Variants in USH2A observed in about 807,000 individuals in gnomAD.
USH2A encodes the protein usherin.
In USH2A, 443 loss-of-function variants were observed where a neutral mutation model predicts 538.9. The observed-to-expected ratio is 0.82, with a 90% confidence interval of 0.76 to 0.89. The LOEUF (loss-of-function observed/expected upper bound fraction) is 0.89. Ranked by LOEUF, USH2A falls within the 40% of genes least tolerant of loss-of-function variation. The pLI, the probability that USH2A is intolerant of heterozygous loss-of-function variation, is 0.00. For synonymous variants in USH2A, 2,413 were observed against 2,273.5 expected, an observed-to-expected ratio of 1.06 and a Z score of -1.75; for missense variants, 6,633 against 6,324.8, an observed-to-expected ratio of 1.05 and a Z score of -1.65.
At chr1:216,166,784 A>T (rs1020249123) in intron 21 of USH2A, among the ~76,000 whole-genome samples, 78 of 152,278 alleles carry the variant, frequency 5.1e-4, no homozygotes, top group Non-Finnish European at 2.2e-4. Context: ...GAAGAAGCTG[A>T]GAAAAATGCA....
intron 20 of USH2A, among the ~76,000 whole-genome samples, chr1:216,183,725 T>C (rs1196467857): frequency 6.6e-6 from 1 of 152,052 alleles, no homozygotes; most frequent in African/African-American, 2.4e-5. Context: ...CATGGCAATC[T>C]GCGAGCATGC....
intron 32 of USH2A, among the ~76,000 whole-genome samples, chr1:216,035,779 G>A (rs1192009873): frequency 6.6e-6 from 1 of 152,056 alleles, no homozygotes; most frequent in Non-Finnish European, 1.5e-5. Flanking sequence ...GAGTCTCAGT[G>A]TTTTTTCAAC....
chr1:216,008,865 C>T (rs1303172949), intron 32 of USH2A, among the ~76,000 whole-genome samples: 1 of 152,096 alleles, frequency 6.6e-6, no homozygotes, highest in Non-Finnish European at 1.5e-5. Context: ...AACTCTGGCG[C>T]CAGTCACGGA....
rs564669757 is a variant in USH2A, at chr1:216,049,862, G to A, written c.6050-1215C>T. Among the ~76,000 whole-genome samples the A allele has an allele frequency of 1.1e-3, 161 of 152,212 alleles. 1 individual carries two copies. The highest frequency in any genetic ancestry group is 1.5e-3 in the Non-Finnish European group (102 of 68,010). On this transcript the variant is annotated intron_variant, in intron 30 of 71. Coordinates refer to ENST00000307340, the MANE Select transcript of USH2A (RefSeq NM_206933.4). ...GACCCAGGCATCTCCGTGGGCTACT[G>A]AATCCTGTCTGCCATGCTTCTACAT...
intron 61 of USH2A, among the ~76,000 whole-genome samples, chr1:215,724,068 T>G (rs1659738878): frequency 1.4e-5 from 1 of 69,084 alleles, no homozygotes; most frequent in Admixed American, 1.6e-4. Flanking sequence ...ATAAACAGAA[T>G]GTGATATCTA....
chr1:216,022,759 C>G (rs185226412), intron 32 of USH2A, among the ~76,000 whole-genome samples: 1 of 152,240 alleles, frequency 6.6e-6, no homozygotes, highest in African/African-American at 2.4e-5. Flanking sequence ...ACAGCTCTAC[C>G]TAGCAAAGCA....
chr1:215,881,891 C>A (rs763117142), intron 41 of USH2A, among the ~76,000 whole-genome samples: 6 of 152,124 alleles, frequency 3.9e-5, no homozygotes, highest in African/African-American at 1.4e-4. Flanking sequence ...GTTTAAGGAA[C>A]GATTGACTTT....
chr1:216,321,826 A>T, intron 9 of USH2A, 57 bp downstream of exon 9: 1 of 1,439,290 alleles, frequency 6.9e-7, no homozygotes, highest in Non-Finnish European at 9.8e-7. Context: ...CATAGAATTT[A>T]TAGTCACCAT....
At chr1:216,330,856 A>T (rs750311275) in intron 4 of USH2A, among the ~76,000 whole-genome samples, 1 of 152,048 alleles carries the variant, frequency 6.6e-6, no homozygotes, top group South Asian at 2.1e-4. Context: ...TGGCAGTCAG[A>T]CCAGGGTATT....
At position 216,420,210 on chromosome 1, in the gene USH2A, C is replaced by T. The variant is rs74141600; in HGVS notation, c.486-1531G>A. The stretch of plus-strand genomic sequence containing the variant: ...CTGTTTAAATCTACAAGTGAGAATT[C>T]GACCATTACTCAAGAATGTATTTAC... On this transcript the variant is annotated intron_variant, in intron 2 of 71. Coordinates refer to ENST00000307340, the MANE Select transcript of USH2A (RefSeq NM_206933.4). Among the ~76,000 whole-genome samples the T allele has an allele frequency of 4.6e-3, 702 of 152,136 alleles. 6 individuals carry two copies. Among genetic ancestry groups the T allele is most frequent in the African/African-American group, 0.016 (671 of 41,528 alleles).
intron 21 of USH2A, among the ~76,000 whole-genome samples, chr1:216,149,710 T>G (rs930279618): frequency 1.3e-5 from 2 of 152,138 alleles, no homozygotes; most frequent in African/African-American, 2.4e-5. Flanking sequence ...GCTAATCTTC[T>G]CTTGCCTACT....
rs1392274242 is a variant in USH2A, at chr1:215,680,347, C to T, written c.12096G>A (p.Gly4032=). The T allele has an allele frequency of 5.0e-6, 8 of 1,613,850 alleles. No homozygotes were observed. The highest frequency in any genetic ancestry group is 2.2e-5 in the East Asian group (1 of 44,892). Residue 4032 remains glycine, a synonymous_variant, in exon 62 of 72, where the codon GGG becomes GGA. Transcript: ENST00000307340. ...KGTSHQAHLY[G]LEPFTTYRIG... ...TGCGATATGTTGTGAATGGTTCTAA[C>T]CCGTACAGGTGGGCTTGATGGCTTG...
chr1:216,017,636 A>T (rs1199419461), intron 32 of USH2A, among the ~76,000 whole-genome samples: 1 of 152,182 alleles, frequency 6.6e-6, no homozygotes, highest in Non-Finnish European at 1.5e-5. Context: ...GTTCCTGACT[A>T]CCTGTGGCAG....
intron 38 of USH2A, among the ~76,000 whole-genome samples, chr1:215,925,074 G>A (rs570733856): frequency 2.6e-5 from 4 of 152,156 alleles, no homozygotes; most frequent in East Asian, 3.9e-4. Context: ...TTATGAAACA[G>A]GAATTTATCC....
chr1:215,690,125 C>T (rs932940525), intron 61 of USH2A, among the ~76,000 whole-genome samples: 1 of 152,166 alleles, frequency 6.6e-6, no homozygotes, highest in African/African-American at 2.4e-5. Context: ...TCCAGATTGT[C>T]CTCATTCTCC....
chr1:216,146,187 A>G (rs1201605685), intron 21 of USH2A, among the ~76,000 whole-genome samples: 1 of 152,068 alleles, frequency 6.6e-6, no homozygotes, highest in Non-Finnish European at 1.5e-5. Flanking sequence ...ACATCTCACC[A>G]ATTTCAAATC....
At chr1:216,222,911 G>A (rs2035484378) in intron 14 of USH2A, among the ~76,000 whole-genome samples, 1 of 151,508 alleles carries the variant, frequency 6.6e-6, no homozygotes, top group East Asian at 1.9e-4. Context: ...CCAGGAGGCG[G>A]AGGTTGTGGT....
chr1:216,205,107 T>C (rs2035083079), intron 16 of USH2A, among the ~76,000 whole-genome samples: 1 of 152,214 alleles, frequency 6.6e-6, no homozygotes, highest in Admixed American at 6.5e-5. Context: ...TGCCTCTGGC[T>C]TGAATAATAT....
chr1:215,813,920 C>CATTTTCA lies in USH2A; in HGVS notation c.9571-17_9571-16insTGAAAAT, dbSNP rs1662778358. 1 of 1,613,120 alleles carries CATTTTCA rather than the reference C, an allele frequency of 6.2e-7. No homozygotes were observed. The highest frequency in any genetic ancestry group is 8.5e-7 in the Non-Finnish European group (1 of 1,179,530). On this transcript the variant is annotated splice_polypyrimidine_tract_variant and intron_variant, in intron 48 of 71. Coordinates refer to ENST00000307340, the MANE Select transcript of USH2A (RefSeq NM_206933.4). Reference sequence around the variant, plus strand: ...TACAACAAACCTGAAAGTTTGAAAACAGTTTTAAAGAAATATCAGTTTAGT... The same window carrying CATTTTCA: ...TACAACAAACCTGAAAGTTTGAAAACATTTTCAAGTTTTAAAGAAATATCAGTTTAGT...
Sources: gnomAD v4.1 joint callset for allele counts (sites outside exome capture counted in the v4.1 genomes callset) on GRCh38, gnomAD v4.1.1 for gene constraint, MANE v1.5 for transcripts, NCBI Gene and HGNC (gene_info 2026-07-23, HGNC 2026-07-21) for gene names.